SEMA3D: variants seen among roughly 807,000 people sequenced by gnomAD.
SEMA3D encodes semaphorin-3D.
Under a neutral mutation model 100.1 loss-of-function variants are expected in SEMA3D, and 84 were observed. That is an observed-to-expected ratio of 0.84 (90% CI 0.70 to 1.01). The LOEUF is 1.01. Among genes scored for constraint, SEMA3D ranks in the 50% least tolerant of loss-of-function variants. SEMA3D has a pLI of 0.00. For missense variants in SEMA3D, 875 were observed against 934.1 expected (o/e 0.94, Z 0.82); for synonymous variants, 312 against 320.7 (o/e 0.97, Z 0.29).
the SEMA3D span, among the ~76,000 whole-genome samples, chr7:85,205,264 G>A: frequency 2.0e-5 from 3 of 152,112 alleles, no homozygotes; most frequent in African/African-American, 7.2e-5. Context: ...CTTGGTGACC[G>A]TAGTTAATAA....
At chr7:85,074,837 C>G (rs1432887689) in intron 5 of SEMA3D, among the ~76,000 whole-genome samples, 1 of 151,970 alleles carries the variant, frequency 6.6e-6, no homozygotes, top group Non-Finnish European at 1.5e-5. Context: ...CTAGTCTGGT[C>G]TTGAACTCCT....
chr7:85,216,499 T>G, the SEMA3D span, among the ~76,000 whole-genome samples: 1 of 151,942 alleles, frequency 6.6e-6, no homozygotes, highest in South Asian at 2.1e-4. Context: ...TTAGTAAAAT[T>G]AATATTTTTT....
chr7:85,190,478 T>C (rs1478454062), upstream of SEMA3D, among the ~76,000 whole-genome samples: 1 of 152,138 alleles, frequency 6.6e-6, no homozygotes, highest in Non-Finnish European at 1.5e-5. Context: ...AGTGAGTGCA[T>C]GAGTTTAAAG....
chr7:85,162,095 T>C (rs1276407432), intron 1 of SEMA3D, among the ~76,000 whole-genome samples: 6 of 151,898 alleles, frequency 4.0e-5, no homozygotes, highest in Non-Finnish European at 1.5e-5. Flanking sequence ...TTTTTTTTAA[T>C]CTCATCTTAA....
chr7:85,063,444 C>A (rs1791530398), intron 8 of SEMA3D, among the ~76,000 whole-genome samples: 1 of 152,158 alleles, frequency 6.6e-6, no homozygotes, highest in African/African-American at 2.4e-5. Flanking sequence ...ACTTCCTCTA[C>A]CATTTGTCTT....
rs1790476424 is a variant in SEMA3D at position 85,029,211 on chromosome 7, C to A, written c.1192-6598G>T. ...ACCTCCTGCACACCATGGTGCTCAT[C>A]AGATTGAAGTCACCTTTGATATTAA... On this transcript the variant is annotated intron_variant, in intron 12 of 18. Coordinates refer to ENST00000284136, the MANE Select transcript of SEMA3D (RefSeq NM_001384900.1). 14 of 708,590 alleles carry A rather than the reference C, an allele frequency of 2.0e-5. No homozygotes were observed. The South Asian group carries it at 2.0e-4, about 10-fold the overall frequency. The allele number at this position is 708,590 out of a possible 1,614,324, so 43.9% of individuals were successfully genotyped here.
chr7:84,999,953 G>T, intron 18 of SEMA3D, 88 bp from the exon 19 acceptor site: 1 of 973,376 alleles, frequency 1.0e-6, no homozygotes, highest in Non-Finnish European at 1.5e-6. Context: ...TTACTTAGAT[G>T]AATATGAAAG....
At chr7:85,226,557 A>G in the SEMA3D span, among the ~76,000 whole-genome samples, 92 of 152,286 alleles carry the variant, frequency 6.0e-4, no homozygotes, top group African/African-American at 2.1e-3. Flanking sequence ...ATTAGATAAC[A>G]TATTTGCAGG....
At chr7:85,167,527 T>G in intron 1 of SEMA3D, 1 of 268,234 alleles carries the variant, frequency 3.7e-6, no homozygotes, top group Non-Finnish European at 5.7e-6. Context: ...AATTTATTGT[T>G]ATAAATACAC....
At chr7:85,120,666 C>CAAAAA (rs765641197) in intron 3 of SEMA3D, among the ~76,000 whole-genome samples, 1 of 82,798 alleles carries the variant, frequency 1.2e-5, no homozygotes, top group African/African-American at 3.9e-5. Context: ...GACTTCATCT[C>CAAAAA]AAAAAAAAAA....
intron 6 of SEMA3D, among the ~76,000 whole-genome samples, chr7:85,069,058 A>G (rs1402264351): frequency 6.6e-6 from 1 of 152,176 alleles, no homozygotes; most frequent in Non-Finnish European, 1.5e-5. Context: ...TTTCATAACA[A>G]TGACAACACT....
At chr7:85,160,009 A>C (rs1363873080) in intron 1 of SEMA3D, 1 of 974,982 alleles carries the variant, frequency 1.0e-6, no homozygotes, top group Non-Finnish European at 1.2e-6. Context: ...CTCTCCATGA[A>C]CTATATCATT....
chr7:85,172,839 T>A (rs993272777), intron 1 of SEMA3D, among the ~76,000 whole-genome samples: 2 of 152,016 alleles, frequency 1.3e-5, no homozygotes, highest in African/African-American at 4.8e-5. Flanking sequence ...CTGGGCTGAG[T>A]TCCAGATCCT....
intron 7 of SEMA3D, among the ~76,000 whole-genome samples, chr7:85,067,049 T>G (rs981198153): frequency 1.3e-5 from 2 of 152,162 alleles, no homozygotes; most frequent in Non-Finnish European, 2.9e-5. Context: ...ATTGTGGGCA[T>G]ATTTTTTAAA....
At chr7:85,029,926 G>T (rs1286636622) in intron 12 of SEMA3D, among the ~76,000 whole-genome samples, 2 of 151,974 alleles carry the variant, frequency 1.3e-5, no homozygotes, top group Admixed American at 1.3e-4. Context: ...TGTATTTAAA[G>T]TTGGTATCAA....
intron 9 of SEMA3D, among the ~76,000 whole-genome samples, chr7:85,053,795 A>G (rs895214389): frequency 5.3e-5 from 8 of 152,054 alleles, no homozygotes; most frequent in Admixed American, 4.6e-4. Context: ...ACACTAATTA[A>G]TGAAGAACCT....
chr7:85,173,050 G>T (rs1398616876), intron 1 of SEMA3D, among the ~76,000 whole-genome samples: 1 of 152,022 alleles, frequency 6.6e-6, no homozygotes, highest in Non-Finnish European at 1.5e-5. Flanking sequence ...TAAACTGTGG[G>T]CAAGGAGATG....
intron 18 of SEMA3D, among the ~76,000 whole-genome samples, chr7:85,002,522 C>A (rs949494252): frequency 1.1e-4 from 16 of 151,324 alleles, no homozygotes; most frequent in Admixed American, 3.3e-4. Flanking sequence ...GTAATGCTTT[C>A]ATTCTTTGCT....
At chr7:85,205,369 A>G in the SEMA3D span, among the ~76,000 whole-genome samples, 5 of 152,158 alleles carry the variant, frequency 3.3e-5, no homozygotes, top group Admixed American at 3.3e-4. Context: ...TGGATACGCT[A>G]ATTAGCTTAA....
Sources: allele counts gnomAD v4.1 joint callset (sites outside exome capture counted in the v4.1 genomes callset), GRCh38; gene constraint gnomAD v4.1.1; transcripts MANE v1.5; gene names NCBI Gene and HGNC (gene_info 2026-07-23, HGNC 2026-07-21).